Variants in PPP3CC observed in about 807,000 individuals in gnomAD.
PPP3CC encodes the protein serine/threonine-protein phosphatase 2B catalytic subunit gamma isoform.
Under a neutral mutation model 60.3 loss-of-function variants are expected in PPP3CC, and 35 were observed. The ratio of observed to expected loss-of-function variants is 0.58; its 90% CI spans 0.44 to 0.77. The LOEUF is 0.77. Ranked by LOEUF, PPP3CC falls within the 30% of genes least tolerant of loss-of-function variation. PPP3CC has a pLI of 0.00. For missense variants in PPP3CC, 570 were observed against 628.9 expected (o/e 0.91, Z 1.00); for synonymous variants, 206 against 224.3 (o/e 0.92, Z 0.73).
At chr8:22,523,100 A>T (rs575068264) in intron 8 of PPP3CC, among the ~76,000 whole-genome samples, 16 of 152,180 alleles carry the variant, frequency 1.1e-4, no homozygotes, top group Non-Finnish European at 1.6e-4. Context: ...CAGTATCTCA[A>T]AGTCACCATT....
At chr8:22,464,700 T>G (rs1837466798) in intron 1 of PPP3CC, among the ~76,000 whole-genome samples, 1 of 152,140 alleles carries the variant, frequency 6.6e-6, no homozygotes, top group African/African-American at 2.4e-5. Context: ...CTTTTTGCTT[T>G]TTGACTGATG....
intron 3 of PPP3CC, among the ~76,000 whole-genome samples, chr8:22,484,150 A>T (rs181013811): frequency 1.1e-3 from 170 of 152,284 alleles, no homozygotes; most frequent in African/African-American, 3.9e-3. Context: ...GCCAGCTTGT[A>T]TCAACAATTT....
At chr8:22,537,858 A>G (rs940107537) in intron 12 of PPP3CC, among the ~76,000 whole-genome samples, 2 of 152,216 alleles carry the variant, frequency 1.3e-5, no homozygotes, top group African/African-American at 4.8e-5. Flanking sequence ...CAATCTAGAG[A>G]GAAAGTAGAT....
At chr8:22,481,140 C>T (rs1838052649) in intron 3 of PPP3CC, among the ~76,000 whole-genome samples, 1 of 152,018 alleles carries the variant, frequency 6.6e-6, no homozygotes, top group Admixed American at 6.6e-5. Flanking sequence ...TTGAGTCCAG[C>T]TTGGCCAACA....
chr8:22,502,267 A>G (rs998059022), intron 4 of PPP3CC, among the ~76,000 whole-genome samples: 4 of 152,214 alleles, frequency 2.6e-5, no homozygotes, highest in Admixed American at 2.6e-4. Context: ...ATGCTTAAGG[A>G]TGTTCACTGC....
intron 1 of PPP3CC, among the ~76,000 whole-genome samples, chr8:22,447,280 T>C (rs1273578879): frequency 6.7e-6 from 1 of 149,916 alleles, no homozygotes; most frequent in Non-Finnish European, 1.5e-5. Context: ...CCCGGGTTCA[T>C]GCCATTCTCC....
intron 6 of PPP3CC, 47 bp downstream of exon 6, chr8:22,513,479 C>T (rs754638697): frequency 2.0e-6 from 3 of 1,519,410 alleles, no homozygotes; most frequent in Non-Finnish European, 2.7e-6. Context: ...AACTGTAATT[C>T]ATTTTATCAG....
chr8:22,445,013 G>A (rs1254938395), intron 1 of PPP3CC, among the ~76,000 whole-genome samples: 1 of 152,130 alleles, frequency 6.6e-6, no homozygotes, highest in Non-Finnish European at 1.5e-5. Context: ...AGAATCCATT[G>A]TCTTATTTTG....
intron 8 of PPP3CC, among the ~76,000 whole-genome samples, chr8:22,524,493 T>C (rs1839489376): frequency 1.3e-5 from 2 of 152,210 alleles, no homozygotes; most frequent in Admixed American, 6.5e-5. Context: ...CCTACAATGC[T>C]CTGCTTCTCC....
chr8:22,472,288 T>G (rs761007222), intron 1 of PPP3CC, among the ~76,000 whole-genome samples: 5 of 144,792 alleles, frequency 3.5e-5, no homozygotes, highest in Non-Finnish European at 7.4e-5. Context: ...TAATTTTTCT[T>G]TATATCTTTA....
At chr8:22,529,482 A>G (rs1363846636) in intron 10 of PPP3CC, among the ~76,000 whole-genome samples, 1 of 151,920 alleles carries the variant, frequency 6.6e-6, no homozygotes, top group Non-Finnish European at 1.5e-5. Context: ...TTGTCAATTC[A>G]TATCTTCTAT....
In PPP3CC at chr8:22,459,395, G is replaced by A. The variant is rs79688933; in HGVS notation, c.50-15559G>A. On this transcript the variant is annotated intron_variant, in intron 1 of 13. Coordinates refer to ENST00000240139, the MANE Select transcript of PPP3CC (RefSeq NM_005605.5). Reference sequence around the variant, plus strand: ...CTGAAGTTTTTGAATGATCTTGTATGTAAGATTAGAGTAGATTCATGGTTC... The same window carrying A: ...CTGAAGTTTTTGAATGATCTTGTATATAAGATTAGAGTAGATTCATGGTTC... 5.3e-4 allele frequency among the ~76,000 whole-genome samples: 81 copies of A among 152,180 alleles called. 2 individuals carry two copies. In the East Asian group the frequency reaches 0.016, roughly 29 times the overall value.
Position 22,468,143 on chromosome 8 carries a change from G to A in PPP3CC, c.50-6811G>A, listed in dbSNP as rs936814846. Reference sequence around the variant, plus strand: ...TTTTGAGGCAGAGTCTTGCTCTGTCGCCCAGGCTGGAGTGCAGTGGTGCAA... The same window carrying A: ...TTTTGAGGCAGAGTCTTGCTCTGTCACCCAGGCTGGAGTGCAGTGGTGCAA... On this transcript the variant is annotated intron_variant, in intron 1 of 13. Transcript: ENST00000240139. Among the ~76,000 whole-genome samples the A allele has an allele frequency of 9.9e-5, 15 of 152,044 alleles. No homozygotes were observed. The East Asian group carries it at 1.4e-3, about 14-fold the overall frequency.
At chr8:22,497,554 A>G (rs142810097) in intron 3 of PPP3CC, among the ~76,000 whole-genome samples, 1 of 152,276 alleles carries the variant, frequency 6.6e-6, no homozygotes, top group East Asian at 1.9e-4. Flanking sequence ...GGGGGGTTAT[A>G]TCTGCAAATA....
At chr8:22,467,192 T>TA (rs369400896) in intron 1 of PPP3CC, among the ~76,000 whole-genome samples, 8 of 151,822 alleles carry the variant, frequency 5.3e-5, no homozygotes, top group South Asian at 2.1e-4. Flanking sequence ...TAGGAGAAAA[T>TA]AAAAAAAAAT....
intron 1 of PPP3CC, among the ~76,000 whole-genome samples, chr8:22,456,999 C>CCCTCCCTCCCTCCCTCCCTTCCTCCCTT (rs1837215130): frequency 1.9e-5 from 1 of 52,526 alleles, no homozygotes; most frequent in East Asian, 1.1e-3. Flanking sequence ...CTCCCTCCCT[C>CCCTCCCTCCCTCCCTCCCTTCCTCCCTT]CCTCCCTCCC....
chr8:22,468,812 G>A (rs1311304575), intron 1 of PPP3CC, among the ~76,000 whole-genome samples: 1 of 152,128 alleles, frequency 6.6e-6, no homozygotes, highest in Admixed American at 6.5e-5. Context: ...AACTGCCATA[G>A]CAATATTTTT....
chr8:22,497,748 AAT>A (rs1366539311), intron 3 of PPP3CC, among the ~76,000 whole-genome samples: 1 of 152,144 alleles, frequency 6.6e-6, no homozygotes, highest in Non-Finnish European at 1.5e-5. Flanking sequence ...TTTTACGACT[AAT>A]ATATATGTGT....
At chr8:22,457,271 T>C (rs1403098348) in intron 1 of PPP3CC, among the ~76,000 whole-genome samples, 1 of 151,516 alleles carries the variant, frequency 6.6e-6, no homozygotes, top group Non-Finnish European at 1.5e-5. Flanking sequence ...CACCTAAAAG[T>C]GTGGAAGTGG....
Sources: gnomAD v4.1 joint callset for allele counts (sites outside exome capture counted in the v4.1 genomes callset) on GRCh38, gnomAD v4.1.1 for gene constraint, MANE v1.5 for transcripts, NCBI Gene and HGNC (gene_info 2026-07-23, HGNC 2026-07-21) for gene names.